The following RICTOR variants were observed in gnomAD, a reference collection of about 807,000 sequenced individuals.
RICTOR encodes the protein RPTOR independent companion of MTOR complex 2, also known as rapamycin-insensitive companion of mTOR.
RICTOR carries 49 observed loss-of-function variants against 214.9 expected under a neutral mutation model. That is an observed-to-expected ratio of 0.23 (90% CI 0.18 to 0.29). The LOEUF is 0.29. RICTOR is among the 10% of genes least tolerant of loss of function. RICTOR has a pLI of 1.00. For missense variants in RICTOR, 1,625 were observed against 2,047.0 expected (o/e 0.79, Z 3.98); for synonymous variants, 717 against 711.3 (o/e 1.01, Z -0.13).
intron 7 of RICTOR, among the ~76,000 whole-genome samples, chr5:38,990,237 T>C (rs936282675): frequency 2.0e-5 from 3 of 151,526 alleles, no homozygotes; most frequent in Admixed American, 6.6e-5. Context: ...CAAAATAACA[T>C]AGGGGCAGAA....
At chr5:39,040,813 G>A (rs1757110352) in intron 2 of RICTOR, among the ~76,000 whole-genome samples, 1 of 152,092 alleles carries the variant, frequency 6.6e-6, no homozygotes, top group Non-Finnish European at 1.5e-5. Context: ...AAATTTCAAT[G>A]CTCCTCATCT....
chr5:38,986,665 A>T (rs1752195680), intron 7 of RICTOR, among the ~76,000 whole-genome samples: 1 of 152,214 alleles, frequency 6.6e-6, no homozygotes, highest in Non-Finnish European at 1.5e-5. Context: ...CATCATCTGC[A>T]AACAGAGACA....
At chr5:38,962,260 C>T (rs966408394) in intron 19 of RICTOR, 55 bp downstream of exon 19, 3 of 800,254 alleles carry the variant, frequency 3.7e-6, no homozygotes, top group African/African-American at 3.5e-5. Context: ...AGGTATTAGG[C>T]CTAATATCCA....
At chr5:39,043,082 GA>G (rs1757275381) in intron 2 of RICTOR, among the ~76,000 whole-genome samples, 1 of 152,108 alleles carries the variant, frequency 6.6e-6, no homozygotes, top group African/African-American at 2.4e-5. Context: ...ACTAAAAATA[GA>G]ATTGCCAAAT....
Position 38,964,907 on chromosome 5 carries a change from A to T in RICTOR, c.1300-15T>A, listed in dbSNP as rs906497961. The T allele has an allele frequency of 3.4e-6, 5 of 1,484,038 alleles. No homozygotes were observed. Among genetic ancestry groups the T allele is most frequent in the Non-Finnish European group, 4.7e-6 (5 of 1,066,588 alleles). 91.9% of individuals were successfully genotyped at this position (1,484,038 alleles called of 1,614,324 possible). A position where few individuals can be genotyped will look rare whatever the true frequency, so the allele number is the denominator to read the frequency against. On this transcript the variant is annotated splice_polypyrimidine_tract_variant and intron_variant, in intron 15 of 37. Transcript: ENST00000357387. ...ATTGTGTTTGCCTAAAATGAAGCAT[A>T]ACATTTTACATGAGTTTTCAGAAGT...
chr5:38,959,640 G>T (rs1561460274), intron 21 of RICTOR, 139 bp downstream of exon 21: 2 of 626,696 alleles, frequency 3.2e-6, no homozygotes, highest in Non-Finnish European at 5.5e-6. Context: ...ATTTTAAAAA[G>T]AATATTAAAG....
chr5:39,053,615 G>A (rs1191053433), intron 2 of RICTOR, among the ~76,000 whole-genome samples: 2 of 152,134 alleles, frequency 1.3e-5, no homozygotes, highest in African/African-American at 4.8e-5. Flanking sequence ...AATAAGGGTC[G>A]GGCGCGGTGG....
Position 38,946,529 on chromosome 5 carries a change from C to T in RICTOR, c.4338G>A (p.Gln1446=). Reference sequence around the variant, plus strand: ...CATCATGTGGTGGTATGTTTTTTGTCTGAAAATAGGGAATATCCTTTACCT... The same window carrying T: ...CATCATGTGGTGGTATGTTTTTTGTTTGAAAATAGGGAATATCCTTTACCT... ...IFQVKDIPYF[Q]TKNIPPHDDR... Residue 1446 remains glutamine (Q), a synonymous_variant, in exon 33 of 38, where the codon CAG becomes CAA. Coordinates refer to ENST00000357387, the MANE Select transcript of RICTOR (RefSeq NM_152756.5). 1 of 1,608,852 alleles carries T rather than the reference C, an allele frequency of 6.2e-7. No homozygotes were observed. Among genetic ancestry groups the T allele is most frequent in the Admixed American group, 1.7e-5 (1 of 59,958 alleles).
At chr5:39,026,868 G>A (rs776977536) in intron 2 of RICTOR, among the ~76,000 whole-genome samples, 12 of 151,810 alleles carry the variant, frequency 7.9e-5, no homozygotes, top group African/African-American at 1.5e-4. Flanking sequence ...TAAGCTGGGC[G>A]TGGTCACGCA....
chr5:39,035,300 T>C (rs1580155040), intron 2 of RICTOR, among the ~76,000 whole-genome samples: 1 of 152,138 alleles, frequency 6.6e-6, no homozygotes, highest in African/African-American at 2.4e-5. Flanking sequence ...AGAAAGGACA[T>C]CCACACCAAA....
chr5:39,036,425 C>G (rs1756697512), intron 2 of RICTOR, among the ~76,000 whole-genome samples: 1 of 152,148 alleles, frequency 6.6e-6, no homozygotes, highest in Non-Finnish European at 1.5e-5. Flanking sequence ...GCAAAATAAC[C>G]AGCTAACATC....
intron 2 of RICTOR, among the ~76,000 whole-genome samples, chr5:39,049,882 C>A (rs1757731754): frequency 6.6e-6 from 1 of 151,964 alleles, no homozygotes; most frequent in African/African-American, 2.4e-5. Flanking sequence ...AAAAGTTTAA[C>A]AACCAAGAAA....
rs540246693 is a variant in RICTOR at position 38,995,279 on chromosome 5, G to A, written c.456+1540C>T. Reference sequence around the variant, plus strand: ...CTTTTGAAGCAACTTGGATGGAGCCGGAGGCCATTATTCTAAGTCAAATTA... The same window carrying A: ...CTTTTGAAGCAACTTGGATGGAGCCAGAGGCCATTATTCTAAGTCAAATTA... On this transcript the variant is annotated intron_variant, in intron 6 of 37. Transcript: ENST00000357387. 3.8e-3 allele frequency among the ~76,000 whole-genome samples: 573 copies of A among 152,286 alleles called. 4 individuals are homozygous for A. Among genetic ancestry groups the A allele is most frequent in the African/African-American group, 0.013 (546 of 41,544 alleles).
At position 38,963,008 on chromosome 5, in the gene RICTOR, G is replaced by C. The variant is rs1410570170; in HGVS notation, c.1434C>G (p.Arg478=). The C allele has an allele frequency of 6.2e-7, 1 of 1,612,998 alleles. No homozygotes were observed. Among genetic ancestry groups the C allele is most frequent in the Non-Finnish European group, 8.5e-7 (1 of 1,179,238 alleles). ...RASAALNCLK[R]FHEMKKRGPK... Reference sequence around the variant, plus strand: ...GTCCTCGTTTCTTCATTTCATGGAAGCGTTTTAAACAGTTCAAGGCTGCAC... The same window carrying C: ...GTCCTCGTTTCTTCATTTCATGGAACCGTTTTAAACAGTTCAAGGCTGCAC... Residue 478 remains arginine (R), a synonymous_variant, in exon 17 of 38, where the codon CGC becomes CGG. Transcript: ENST00000357387.
intron 2 of RICTOR, among the ~76,000 whole-genome samples, chr5:39,052,639 A>G (rs1274925476): frequency 6.6e-6 from 1 of 152,224 alleles, no homozygotes; most frequent in Admixed American, 6.5e-5. Flanking sequence ...GTATGTAAAC[A>G]TAAAATAAAA....
At chr5:39,039,888 C>T (rs905426996) in intron 2 of RICTOR, among the ~76,000 whole-genome samples, 66 of 152,008 alleles carry the variant, frequency 4.3e-4, no homozygotes, top group African/African-American at 1.6e-3. Flanking sequence ...ACTAGTTCAA[C>T]CATTGTGGAA....
intron 21 of RICTOR, 96 bp downstream of exon 21, chr5:38,959,683 C>A: frequency 1.1e-5 from 8 of 741,714 alleles, no homozygotes; most frequent in South Asian, 4.0e-5. Flanking sequence ...TAAAACTTAA[C>A]CAAACACATG....
Position 39,074,125 on chromosome 5 carries a change from A to G in RICTOR, c.83T>C (p.Leu28Pro). Residue 28 changes from leucine (L) to proline (P), a missense_variant, in exon 2 of 38, where the codon CTG (leucine) becomes CCG (proline). Leu to Pro is a moderately conservative substitution (Grantham distance 98, BLOSUM62 -3). Transcript: ENST00000357387. ...RNDSGEENVP[L>P]DLTREPSDNL... The stretch of plus-strand genomic sequence containing the variant: ...CCCCGCGTTACCTCGGGTCAGATCC[A>G]GCGGGACGTTCTCCTCGCCGCTGTC... 6.3e-7 allele frequency: 1 copy of G among 1,582,586 alleles called. No homozygotes were observed. The highest frequency in any genetic ancestry group is 8.6e-7 in the Non-Finnish European group (1 of 1,166,628).
At chr5:39,039,220 A>G (rs999967488) in intron 2 of RICTOR, among the ~76,000 whole-genome samples, 2 of 152,218 alleles carry the variant, frequency 1.3e-5, no homozygotes, top group African/African-American at 4.8e-5. Context: ...TGGGGAAAGG[A>G]TTCCCTATTT....
Sources: allele counts gnomAD v4.1 joint callset (sites outside exome capture counted in the v4.1 genomes callset), GRCh38; gene constraint gnomAD v4.1.1; transcripts MANE v1.5; gene names NCBI Gene and HGNC (gene_info 2026-07-23, HGNC 2026-07-21).